The following ATP10B variants were observed in gnomAD, a reference collection of about 807,000 sequenced individuals.
ATP10B encodes phospholipid-transporting ATPase VB.
A neutral mutation model predicts 141.2 loss-of-function variants in ATP10B; 122 were observed. That is an observed-to-expected ratio of 0.86 (90% CI 0.75 to 1.00). ATP10B has a LOEUF of 1.00. Among genes scored for constraint, ATP10B ranks in the 50% least tolerant of loss-of-function variants. The pLI is 0.00. For missense variants in ATP10B, 1,876 were observed against 1,825.3 expected (o/e 1.03, Z -0.51); for synonymous variants, 685 against 692.0 (o/e 0.99, Z 0.16).
intron 23 of ATP10B, among the ~76,000 whole-genome samples, chr5:160,590,281 G>A (rs919613354): frequency 6.6e-6 from 1 of 152,072 alleles, no homozygotes; most frequent in Non-Finnish European, 1.5e-5. Flanking sequence ...TAGCAGGAAA[G>A]CCAAGCAAAG....
chr5:160,610,756 A>G (rs1721864673), intron 18 of ATP10B, among the ~76,000 whole-genome samples: 1 of 152,236 alleles, frequency 6.6e-6, no homozygotes, highest in South Asian at 2.1e-4. Flanking sequence ...CAATATTGCA[A>G]TAGCAATAAT....
At chr5:160,808,245 A>G (rs966001558) in intron 1 of ATP10B, among the ~76,000 whole-genome samples, 1 of 152,090 alleles carries the variant, frequency 6.6e-6, no homozygotes, top group African/African-American at 2.4e-5. Flanking sequence ...GTAAGAAAAA[A>G]AGAAGACTTT....
chr5:160,778,681 T>C (rs1770510301), intron 2 of ATP10B, among the ~76,000 whole-genome samples: 1 of 152,110 alleles, frequency 6.6e-6, no homozygotes, highest in Non-Finnish European at 1.5e-5. Flanking sequence ...ATTGACTTTT[T>C]TAAAATTACA....
intron 1 of ATP10B, among the ~76,000 whole-genome samples, chr5:160,818,770 C>G (rs1439728330): frequency 6.6e-6 from 1 of 152,148 alleles, no homozygotes; most frequent in African/African-American, 2.4e-5. Context: ...CAATGATAGA[C>G]TGGATTAAGA....
At chr5:160,671,969 C>CTTTTTTTTTTT (rs70990741) in intron 6 of ATP10B, among the ~76,000 whole-genome samples, 8 of 68,412 alleles carry the variant, frequency 1.2e-4, no homozygotes, top group African/African-American at 2.7e-4. Flanking sequence ...GCAATGCATC[C>CTTTTTTTTTTT]TTTTTTTTTT....
chr5:160,822,562 C>T lies in ATP10B; in HGVS notation c.-576+29379G>A, dbSNP rs142913165. Among the ~76,000 whole-genome samples, 8 of 152,146 alleles carry T rather than the reference C, an allele frequency of 5.3e-5. No individual in the cohort carries two copies. The East Asian group carries it at 1.5e-3, about 29-fold the overall frequency. ...TATATGGAAGAAATATCTACACTAC[C>T]ATGTTTGTTGCAGCAGTATTTACAA... On this transcript the variant is annotated intron_variant, in intron 1 of 25. Transcript: ENST00000327245.
At chr5:160,709,361 G>C (rs1235326228) in intron 3 of ATP10B, among the ~76,000 whole-genome samples, 1 of 152,016 alleles carries the variant, frequency 6.6e-6, no homozygotes. Context: ...AAAAGGAAAA[G>C]ATAACTCAAT....
At chr5:160,719,395 G>A (rs771576857) in intron 2 of ATP10B, among the ~76,000 whole-genome samples, 4 of 152,124 alleles carry the variant, frequency 2.6e-5, no homozygotes, top group East Asian at 3.9e-4. Context: ...GGGAGACTCC[G>A]TCTCAAAAAA....
intron 2 of ATP10B, among the ~76,000 whole-genome samples, chr5:160,753,918 C>T (rs559651305): frequency 1.3e-5 from 2 of 152,220 alleles, no homozygotes; most frequent in East Asian, 1.9e-4. Flanking sequence ...TGATTTGAAC[C>T]ACTTTACTAT....
In ATP10B at chr5:160,780,878, A is replaced by T. The variant is rs116302562; in HGVS notation, c.-331+4681T>A. Reference sequence around the variant, plus strand: ...TTATCTAAATTCAATGCATAAAAGTAATAGCATGTTTATATCTTAAGGGCT... The same window carrying T: ...TTATCTAAATTCAATGCATAAAAGTTATAGCATGTTTATATCTTAAGGGCT... On this transcript the variant is annotated intron_variant, in intron 2 of 25. Coordinates refer to ENST00000327245, the MANE Select transcript of ATP10B (RefSeq NM_025153.3). Among the ~76,000 whole-genome samples the T allele has an allele frequency of 4.7e-3, 723 of 152,316 alleles. 11 individuals are homozygous for T. Among genetic ancestry groups the T allele is most frequent in the African/African-American group, 0.017 (694 of 41,574 alleles).
Position 160,704,914 on chromosome 5 carries a change from C to CTTTTTTTTTTTTTTTTT in ATP10B, c.-205+11978_-205+11994dup, listed in dbSNP as rs1170629163. On this transcript the variant is annotated intron_variant, in intron 3 of 25. Transcript: ENST00000327245. ...TGCTAGCTTCCAACATTTCTTTCATCTTTTTTTTTTTTTTTTTTTTTGTTG... is the reference window on the plus strand; with the variant it reads ...TGCTAGCTTCCAACATTTCTTTCATCTTTTTTTTTTTTTTTTTTTTTTTTTTTTTTTTTTTTTTGTTG... Among the ~76,000 whole-genome samples the CTTTTTTTTTTTTTTTTT allele has an allele frequency of 3.7e-3, 312 of 83,632 alleles. 18 individuals carry two copies. The highest frequency in any genetic ancestry group is 7.5e-3 in the African/African-American group (130 of 17,228). The allele number at this position is 83,632 out of a possible 152,430, so 54.9% of individuals were successfully genotyped here.
chr5:160,616,458 G>A (rs749290954), intron 16 of ATP10B, among the ~76,000 whole-genome samples: 1 of 152,276 alleles, frequency 6.6e-6, no homozygotes, highest in Non-Finnish European at 1.5e-5. Context: ...GCTGTGGAAC[G>A]GCAATGAACT....
At chr5:160,777,084 G>C (rs543777793) in intron 2 of ATP10B, among the ~76,000 whole-genome samples, 1 of 152,192 alleles carries the variant, frequency 6.6e-6, no homozygotes, top group Admixed American at 6.5e-5. Context: ...GTTTGAGAGG[G>C]ATAGGATCTT....
the ATP10B span, among the ~76,000 whole-genome samples, chr5:160,885,133 A>T: frequency 2.0e-5 from 3 of 152,228 alleles, no homozygotes; most frequent in East Asian, 5.8e-4. Flanking sequence ...AGTATATAAA[A>T]AGGGAGGTGA....
At chr5:160,918,786 G>A in the ATP10B span, among the ~76,000 whole-genome samples, 1 of 152,116 alleles carries the variant, frequency 6.6e-6, no homozygotes, top group Admixed American at 6.5e-5. Flanking sequence ...GCTCAGAGGA[G>A]GATTTCCTAG....
At chr5:160,715,433 T>A (rs907114073) in intron 3 of ATP10B, among the ~76,000 whole-genome samples, 8 of 144,672 alleles carry the variant, frequency 5.5e-5, no homozygotes, top group African/African-American at 2.1e-4. Flanking sequence ...CCTGACCCCT[T>A]GCGCTTCCCA....
the ATP10B span, among the ~76,000 whole-genome samples, chr5:160,921,375 T>C: frequency 6.6e-6 from 1 of 152,192 alleles, no homozygotes; most frequent in African/African-American, 2.4e-5. Flanking sequence ...ATATAACTTT[T>C]ACCAGTTTAA....
At chr5:160,579,016 T>C (rs1314758091) in intron 24 of ATP10B, among the ~76,000 whole-genome samples, 1 of 152,248 alleles carries the variant, frequency 6.6e-6, no homozygotes, top group Non-Finnish European at 1.5e-5. Flanking sequence ...CTTTGTGTAC[T>C]TTTTGATGGG....
intron 1 of ATP10B, among the ~76,000 whole-genome samples, chr5:160,823,014 A>ATATATATATATATATATG: frequency 8.5e-6 from 1 of 117,838 alleles, no homozygotes; most frequent in Non-Finnish European, 1.8e-5. Flanking sequence ...ATATATATAT[A>ATATATATATATATATATG]TATATATATA....
Sources: gnomAD v4.1 joint callset for allele counts (sites outside exome capture counted in the v4.1 genomes callset) on GRCh38, gnomAD v4.1.1 for gene constraint, MANE v1.5 for transcripts, NCBI Gene and HGNC (gene_info 2026-07-23, HGNC 2026-07-21) for gene names.